HSPA12A: variants seen among roughly 807,000 people sequenced by gnomAD.
HSPA12A encodes heat shock protein family A (Hsp70) member 12A, also known as heat shock 70 kDa protein 12A.
A neutral mutation model predicts 69.2 loss-of-function variants in HSPA12A; 28 were observed. That is an observed-to-expected ratio of 0.40 (90% CI 0.30 to 0.55). HSPA12A has a LOEUF of 0.55. Ranked by LOEUF, HSPA12A falls within the 20% of genes least tolerant of loss-of-function variation. The pLI is 0.38. For synonymous variants in HSPA12A, 345 were observed against 370.5 expected, an observed-to-expected ratio of 0.93 and a Z score of 0.79; for missense variants, 686 against 900.7, an observed-to-expected ratio of 0.76 and a Z score of 3.05.
chr10:116,736,792 G>A (rs1242751117), intron 1 of HSPA12A, among the ~76,000 whole-genome samples: 1 of 152,132 alleles, frequency 6.6e-6, no homozygotes, highest in East Asian at 1.9e-4. Context: ...TTTAGCCCAG[G>A]GAGACCCATT....
intron 2 of HSPA12A, among the ~76,000 whole-genome samples, chr10:116,780,126 C>T (rs1469531644): frequency 6.6e-6 from 1 of 152,194 alleles, no homozygotes; most frequent in Non-Finnish European, 1.5e-5. Context: ...ACAGCAGTCA[C>T]TCCCTGCATA....
chr10:116,692,146 C>G (rs1185493184), intron 6 of HSPA12A, among the ~76,000 whole-genome samples: 3 of 152,208 alleles, frequency 2.0e-5, no homozygotes, highest in Admixed American at 2.0e-4. Context: ...TGTTGTGGGA[C>G]TGACCCCCAT....
At chr10:116,734,946 C>T (rs1006949626) in intron 1 of HSPA12A, among the ~76,000 whole-genome samples, 4 of 152,010 alleles carry the variant, frequency 2.6e-5, no homozygotes, top group Non-Finnish European at 5.9e-5. Flanking sequence ...GAGCCGAGAT[C>T]GAGCCGCTGC....
intron 2 of HSPA12A, among the ~76,000 whole-genome samples, chr10:116,833,864 T>C (rs1845663696): frequency 6.6e-6 from 1 of 152,210 alleles, no homozygotes. Context: ...ACCTAAAGCA[T>C]TCCCTTTCTT....
In HSPA12A at chr10:116,672,483, G is replaced by A. The variant is rs947391768; in HGVS notation, c.*2298C>T. On this transcript the variant is annotated 3_prime_UTR_variant, in exon 12 of 12. Transcript: ENST00000369209. The stretch of plus-strand genomic sequence containing the variant: ...GATCCAGGCGGTCCACGTGCGTTCA[G>A]TGTGTTTGGACCCTAGGCACCTCTG... The A allele has an allele frequency of 1.4e-4, 22 of 152,274 alleles. No individual in the cohort carries two copies. Among genetic ancestry groups the A allele is most frequent in the Non-Finnish European group, 2.8e-4 (19 of 68,068 alleles). 9.4% of individuals were successfully genotyped at this position (152,274 alleles called of 1,614,324 possible). A position where few individuals can be genotyped will look rare whatever the true frequency, so the allele number is the denominator to read the frequency against.
At chr10:116,761,360 C>A (rs1589690426) in intron 2 of HSPA12A, among the ~76,000 whole-genome samples, 1 of 152,082 alleles carries the variant, frequency 6.6e-6, no homozygotes, top group East Asian at 1.9e-4. Context: ...GTGGCGCACA[C>A]CTGTAGTCCC....
chr10:116,743,115 G>T (rs1851569597), upstream of HSPA12A, among the ~76,000 whole-genome samples: 1 of 152,202 alleles, frequency 6.6e-6, no homozygotes, highest in African/African-American at 2.4e-5. Context: ...GCCGAGCCCG[G>T]GGCACCGCCT....
At chr10:116,728,672 C>T (rs1049801485) in intron 1 of HSPA12A, among the ~76,000 whole-genome samples, 6 of 152,206 alleles carry the variant, frequency 3.9e-5, no homozygotes, top group African/African-American at 1.4e-4. Context: ...TAGATAGCTT[C>T]TTCCCTATTG....
At chr10:116,707,339 G>A in intron 1 of HSPA12A, 54 bp from the exon 2 acceptor site, 2 of 1,401,726 alleles carry the variant, frequency 1.4e-6, no homozygotes, top group Middle Eastern at 2.1e-4. Context: ...TGACCCAGGG[G>A]GAAGAAATGA....
At chr10:116,817,688 A>C (rs1845332475) in intron 2 of HSPA12A, among the ~76,000 whole-genome samples, 1 of 152,174 alleles carries the variant, frequency 6.6e-6, no homozygotes. Flanking sequence ...TGTCACCCAA[A>C]GTCCCCCAAA....
intron 1 of HSPA12A, among the ~76,000 whole-genome samples, chr10:116,724,485 C>T (rs80065693): frequency 1.3e-5 from 2 of 152,234 alleles, no homozygotes; most frequent in Non-Finnish European, 2.9e-5. Flanking sequence ...AGACCCCCTT[C>T]CCCATGGTGC....
chr10:116,745,329 T>C (rs1337786394), upstream of HSPA12A, among the ~76,000 whole-genome samples: 2 of 152,178 alleles, frequency 1.3e-5, no homozygotes, highest in African/African-American at 4.8e-5. Flanking sequence ...CTCATGCCTT[T>C]CCACAGCCCC....
In HSPA12A at chr10:116,675,342, C is replaced by T. The variant is rs782310190; in HGVS notation, c.1467G>A (p.Leu489=). The change falls in exon 12 of 12, where the codon CTG becomes CTA. Residue 489 remains leucine, a synonymous_variant. Coordinates refer to ENST00000369209, the MANE Select transcript of HSPA12A (RefSeq NM_025015.3). This position sits in a 1 kb window ranked among gnomAD's most constrained non-coding sequence, Gnocchi z 5.2. The part of the protein sequence containing the change: ...FLVGGFAEAP[L]LQQAVQAAFG... ...AAGCAGCCTGCACCGCCTGCTGCAG[C>T]AGGGGCGCCTCGGCAAAGCCGCCCA... 1 of 1,612,802 alleles carries T rather than the reference C, an allele frequency of 6.2e-7. No homozygotes were observed. The highest frequency in any genetic ancestry group is 8.5e-7 in the Non-Finnish European group (1 of 1,179,854).
chr10:116,778,620 G>T (rs898350647), intron 2 of HSPA12A, among the ~76,000 whole-genome samples: 2 of 152,214 alleles, frequency 1.3e-5, no homozygotes, highest in Non-Finnish European at 2.9e-5. Context: ...GAAAGTCCAG[G>T]CTGGGCATGG....
At chr10:116,729,695 T>C (rs1264708734) in intron 1 of HSPA12A, among the ~76,000 whole-genome samples, 2 of 152,200 alleles carry the variant, frequency 1.3e-5, no homozygotes, top group African/African-American at 4.8e-5. Flanking sequence ...AATATATGTA[T>C]TGAAAAAAAT....
intron 2 of HSPA12A, among the ~76,000 whole-genome samples, chr10:116,765,417 A>G (rs1191560956): frequency 6.6e-6 from 1 of 152,230 alleles, no homozygotes; most frequent in Non-Finnish European, 1.5e-5. Context: ...AAAAACACAG[A>G]AAGGCCAGCA....
chr10:116,674,556 T>C lies in HSPA12A; in HGVS notation c.*225A>G, dbSNP rs1157036363. 8.7e-6 allele frequency: 5 copies of C among 574,034 alleles called. No homozygotes were observed. The East Asian group carries it at 1.2e-4, about 13-fold the overall frequency. The allele number at this position is 574,034 out of a possible 1,614,324, so 35.6% of individuals were successfully genotyped here. On this transcript the variant is annotated 3_prime_UTR_variant, in exon 12 of 12. Coordinates refer to ENST00000369209, the MANE Select transcript of HSPA12A (RefSeq NM_025015.3). ...ATGAAAACTAGCTGCTCCTCCAGGA[T>C]CCTTTAATTTTCTATGCCTAAACCT...
intron 1 of HSPA12A, among the ~76,000 whole-genome samples, chr10:116,730,123 C>A (rs181669311): frequency 3.3e-4 from 51 of 152,296 alleles, no homozygotes; most frequent in African/African-American, 9.1e-4. Flanking sequence ...GCAGAGGTTG[C>A]AGTAAGCTGA....
rs537370249 is a variant in HSPA12A at position 116,710,298 on chromosome 10, T to C, written c.41-3013A>G. On this transcript the variant is annotated intron_variant, in intron 1 of 11. Coordinates refer to ENST00000369209, the MANE Select transcript of HSPA12A (RefSeq NM_025015.3). The surrounding 1 kb of genome is among the most constrained non-coding windows in gnomAD (Gnocchi z 4.1). ...GTCCTGAAAGAAACCAAATGTCTAATTGCCCAGAAAATCTGGTGTTGGCAA... is the reference window on the plus strand; with the variant it reads ...GTCCTGAAAGAAACCAAATGTCTAACTGCCCAGAAAATCTGGTGTTGGCAA... Among the ~76,000 whole-genome samples, 86 of 152,340 alleles carry C rather than the reference T, an allele frequency of 5.6e-4. 1 individual carries two copies. Among genetic ancestry groups the C allele is most frequent in the African/African-American group, 2.0e-3 (82 of 41,586 alleles).
Sources: allele counts gnomAD v4.1 joint callset (sites outside exome capture counted in the v4.1 genomes callset), GRCh38; gene constraint gnomAD v4.1.1; non-coding constraint Gnocchi (gnomAD v3.1); transcripts MANE v1.5; gene names NCBI Gene and HGNC (gene_info 2026-07-23, HGNC 2026-07-21).